The following MMP25 variants were observed in gnomAD, a reference collection of about 807,000 sequenced individuals.
The protein encoded by MMP25 is matrix metalloproteinase-25.
In MMP25, 68 loss-of-function variants were observed where a neutral mutation model predicts 62.1. That is an observed-to-expected ratio of 1.10 (90% CI 0.90 to 1.34). The LOEUF (loss-of-function observed/expected upper bound fraction) is 1.34, where lower values mean the gene tolerates loss of function less well. Ranked by LOEUF, MMP25 falls within the 40% of genes most tolerant of loss-of-function variation. MMP25 has a pLI of 0.00. For synonymous variants in MMP25, 407 were observed against 345.6 expected, an observed-to-expected ratio of 1.18 and a Z score of -1.97; for missense variants, 942 against 792.5, an observed-to-expected ratio of 1.19 and a Z score of -2.26.
At position 3,059,117 on chromosome 16, in the gene MMP25, C is replaced by G. The variant is rs945528100; in HGVS notation, c.*19C>G. 3.3e-6 allele frequency: 5 copies of G among 1,512,918 alleles called. No individual in the cohort carries two copies. The highest frequency in any genetic ancestry group is 4.4e-6 in the Non-Finnish European group (5 of 1,124,996). 93.7% of individuals were successfully genotyped at this position (1,512,918 alleles called of 1,614,324 possible). ...CCGCTGATGGGGGGAGCCATCCAGA[C>G]CGAACAGCGCCCTCCACGGCCGAGT... On this transcript the variant is annotated 3_prime_UTR_variant, in exon 10 of 10. Coordinates refer to ENST00000336577, the MANE Select transcript of MMP25 (RefSeq NM_022468.5).
Position 3,059,220 on chromosome 16 carries a change from G to C in MMP25, c.*122G>C. The C allele has an allele frequency of 8.1e-7, 1 of 1,236,272 alleles. No homozygotes were observed. Among genetic ancestry groups the C allele is most frequent in the African/African-American group, 1.5e-5 (1 of 64,770 alleles). 76.6% of individuals were successfully genotyped at this position (1,236,272 alleles called of 1,614,324 possible). On this transcript the variant is annotated 3_prime_UTR_variant, in exon 10 of 10. Coordinates refer to ENST00000336577, the MANE Select transcript of MMP25 (RefSeq NM_022468.5). ...TCTGTTCCCACGGACGGGGGCTCGGGCGCGGACTAAGCAGGGGGGATCTCC... is the reference window on the plus strand; with the variant it reads ...TCTGTTCCCACGGACGGGGGCTCGGCCGCGGACTAAGCAGGGGGGATCTCC...
rs1348062787 is a variant in MMP25 at position 3,057,137 on chromosome 16, C to T, written c.766C>T (p.Gln256Ter). ...APNSIMRPFY[Q>*]GPVGDPDKYR... ...CAACTCCATTATGAGGCCCTTCTACCAGGGTCCGGTGGGCGACCCTGACAA... is the reference window on the plus strand; with the variant it reads ...CAACTCCATTATGAGGCCCTTCTACTAGGGTCCGGTGGGCGACCCTGACAA... The change falls in exon 5 of 10, where the codon CAG becomes TAG. Residue 256 changes from glutamine to a stop codon, truncating the protein, a stop_gained. Coordinates refer to ENST00000336577, the MANE Select transcript of MMP25 (RefSeq NM_022468.5). LOFTEE classifies it high-confidence loss of function. 1.2e-5 allele frequency: 19 copies of T among 1,613,540 alleles called. No homozygotes were observed. Among genetic ancestry groups the T allele is most frequent in the Non-Finnish European group, 1.6e-5 (19 of 1,179,766 alleles).
chr16:3,049,219 G>T (rs371984372), intron 2 of MMP25, among the ~76,000 whole-genome samples: 2 of 152,030 alleles, frequency 1.3e-5, no homozygotes, highest in East Asian at 3.9e-4. Flanking sequence ...GTGGCAGAAG[G>T]ATGGGTGGCA....
At position 3,046,686 on chromosome 16, in the gene MMP25, C is replaced by A. The variant is rs1454147765; in HGVS notation, c.-232C>A. ...CGCCCTCTCAACCATCCTGGGATTC[C>A]CGGGCCCACCCGACCCAGCGGCGCG... On this transcript the variant is annotated 5_prime_UTR_variant, in exon 1 of 10. Transcript: ENST00000336577. 1 of 383,804 alleles carries A rather than the reference C, an allele frequency of 2.6e-6. No individual in the cohort carries two copies. The highest frequency in any genetic ancestry group is 4.6e-6 in the Non-Finnish European group (1 of 216,282). 23.8% of individuals were successfully genotyped at this position (383,804 alleles called of 1,614,324 possible).
chr16:3,046,953 TCTG>T lies in MMP25; in HGVS notation c.43_45del (p.Leu15del). 1.4e-6 allele frequency: 2 copies of T among 1,472,594 alleles called. No individual in the cohort carries two copies. Among genetic ancestry groups the T allele is most frequent in the Non-Finnish European group, 1.8e-6 (2 of 1,120,380 alleles). 91.2% of individuals were successfully genotyped at this position (1,472,594 alleles called of 1,614,324 possible). A position where few individuals can be genotyped will look rare whatever the true frequency, so the allele number is the denominator to read the frequency against. The stretch of plus-strand genomic sequence containing the variant: ...GGCTCCGGCTTCTGGCGCTGCTGCT[TCTG>T]CTGCTGGCACCGCCCGCGCGCGCCC... On this transcript the variant is annotated inframe_deletion, in exon 1 of 10. Coordinates refer to ENST00000336577, the MANE Select transcript of MMP25 (RefSeq NM_022468.5).
At chr16:3,057,673 T>G in intron 7 of MMP25, 60 bp downstream of exon 7, 1 of 1,467,704 alleles carries the variant, frequency 6.8e-7, no homozygotes, top group Non-Finnish European at 9.6e-7. Context: ...AGTGACCCAC[T>G]GGGGCTGTGG....
At chr16:3,048,360 T>C (rs529105643) in intron 2 of MMP25, among the ~76,000 whole-genome samples, 3 of 152,258 alleles carry the variant, frequency 2.0e-5, no homozygotes, top group African/African-American at 7.2e-5. Context: ...TCAGCTCCAA[T>C]GGTATAGTGA....
Position 3,059,250 on chromosome 16 carries a change from C to T in MMP25, c.*152C>T. 1.1e-6 allele frequency: 1 copy of T among 890,436 alleles called. No individual in the cohort carries two copies. Among genetic ancestry groups the T allele is most frequent in the East Asian group, 3.2e-5 (1 of 31,444 alleles). 55.2% of individuals were successfully genotyped at this position (890,436 alleles called of 1,614,324 possible). On this transcript the variant is annotated 3_prime_UTR_variant, in exon 10 of 10. Transcript: ENST00000336577. ...GACTAAGCAGGGGGGATCTCCCGCG[C>T]AGGGGCGGCGGCGGCGGGGACCGGT...
At chr16:3,047,370 T>C (rs577780703) in intron 1 of MMP25, 45 bp from the exon 2 acceptor site, 12 of 1,583,190 alleles carry the variant, frequency 7.6e-6, no homozygotes, top group Middle Eastern at 3.4e-4. Flanking sequence ...AGAGAGCCCA[T>C]ACTTTTCACC....
chr16:3,059,125 CG>C lies in MMP25; in HGVS notation c.*28del. The C allele has an allele frequency of 3.3e-6, 5 of 1,502,532 alleles. No individual in the cohort carries two copies. The highest frequency in any genetic ancestry group is 4.5e-6 in the Non-Finnish European group (5 of 1,119,704). The allele number at this position is 1,502,532 out of a possible 1,614,324, so 93.1% of individuals were successfully genotyped here. On this transcript the variant is annotated 3_prime_UTR_variant, in exon 10 of 10. Coordinates refer to ENST00000336577, the MANE Select transcript of MMP25 (RefSeq NM_022468.5). ...GGGGGGAGCCATCCAGACCGAACAG[CG>C]CCCTCCACGGCCGAGTCCCCCGCCG...
chr16:3,046,932 C>A lies in MMP25; in HGVS notation c.15C>A (p.Leu5=). Residue 5 remains leucine (L), a synonymous_variant, in exon 1 of 10, where the codon CTC becomes CTA. Transcript: ENST00000336577. MRLR[L]RLLALLLLLL... ...TGGGGCGCACCATGCGGCTGCGGCT[C>A]CGGCTTCTGGCGCTGCTGCTTCTGC... 6.8e-7 allele frequency: 1 copy of A among 1,460,552 alleles called. No individual in the cohort carries two copies. The highest frequency in any genetic ancestry group is 3.0e-5 in the East Asian group (1 of 33,496). The allele number at this position is 1,460,552 out of a possible 1,614,324, so 90.5% of individuals were successfully genotyped here. A position where few individuals can be genotyped will look rare whatever the true frequency, so the allele number is the denominator to read the frequency against.
At chr16:3,048,353 G>A (rs946065884) in intron 2 of MMP25, among the ~76,000 whole-genome samples, 2 of 152,188 alleles carry the variant, frequency 1.3e-5, no homozygotes, top group South Asian at 2.1e-4. Flanking sequence ...CGCCCTTTCA[G>A]CTCCAATGGT....
At chr16:3,058,785 G>C in intron 9 of MMP25, 42 bp from the exon 10 acceptor site, 1 of 1,497,072 alleles carries the variant, frequency 6.7e-7, no homozygotes, top group Non-Finnish European at 8.9e-7. Flanking sequence ...TCAGGGAGCG[G>C]CGGGGCGGGG....
At chr16:3,057,710 C>A in intron 7 of MMP25, 97 bp downstream of exon 7, 1 of 1,133,972 alleles carries the variant, frequency 8.8e-7, no homozygotes, top group South Asian at 1.2e-5. Context: ...GAACTTTTTT[C>A]TTCTTTGAGA....
chr16:3,059,246 C>G lies in MMP25; in HGVS notation c.*148C>G. 1.1e-6 allele frequency: 1 copy of G among 924,630 alleles called. No individual in the cohort carries two copies. The highest frequency in any genetic ancestry group is 1.5e-6 in the Non-Finnish European group (1 of 672,372). The allele number at this position is 924,630 out of a possible 1,614,324, so 57.3% of individuals were successfully genotyped here. A position where few individuals can be genotyped will look rare whatever the true frequency, so the allele number is the denominator to read the frequency against. On this transcript the variant is annotated 3_prime_UTR_variant, in exon 10 of 10. Coordinates refer to ENST00000336577, the MANE Select transcript of MMP25 (RefSeq NM_022468.5). ...CGCGGACTAAGCAGGGGGGATCTCC[C>G]GCGCAGGGGCGGCGGCGGCGGGGAC...
intron 5 of MMP25, 30 bp downstream of exon 5, chr16:3,057,239 A>C: frequency 1.2e-6 from 2 of 1,613,806 alleles, no homozygotes; most frequent in Non-Finnish European, 1.7e-6. Context: ...CCGCGAAACC[A>C]TCATTGCCCC....
chr16:3,053,959 C>T (rs1955951401), intron 4 of MMP25: 1 of 151,352 alleles, frequency 6.6e-6, no homozygotes, highest in South Asian at 2.1e-4. Context: ...GGCTGGAGAA[C>T]TTGACCGGGA....
In MMP25 at chr16:3,058,939, C is replaced by T. The variant is rs78688869; in HGVS notation, c.1530C>T (p.Ala510=). ...PMGPNWLDCP[A]PSSGPRAPRP... Reference sequence around the variant, plus strand: ...GGCCCAACTGGCTGGACTGCCCCGCCCCGAGCTCTGGTCCCCGCGCCCCCA... The same window carrying T: ...GGCCCAACTGGCTGGACTGCCCCGCTCCGAGCTCTGGTCCCCGCGCCCCCA... Residue 510 remains alanine (A), a synonymous_variant, in exon 10 of 10, where the codon GCC becomes GCT. Coordinates refer to ENST00000336577, the MANE Select transcript of MMP25 (RefSeq NM_022468.5). The T allele has an allele frequency of 6.5e-3, 10,020 of 1,549,844 alleles. 496 individuals are homozygous for T. The African/African-American group carries it at 0.11, about 18-fold the overall frequency.
chr16:3,047,826 C>A (rs1051006735), intron 2 of MMP25, among the ~76,000 whole-genome samples: 9 of 149,354 alleles, frequency 6.0e-5, no homozygotes, highest in Non-Finnish European at 7.4e-5. Flanking sequence ...GAGACCCCCC[C>A]ACTCTCCAAG....
Sources: allele counts gnomAD v4.1 joint callset (sites outside exome capture counted in the v4.1 genomes callset), GRCh38; gene constraint gnomAD v4.1.1; transcripts MANE v1.5; gene names NCBI Gene and HGNC (gene_info 2026-07-23, HGNC 2026-07-21).